Variants in COLEC11 observed in about 807,000 individuals in gnomAD.
COLEC11 encodes the protein collectin-11.
Under a neutral mutation model 27.3 loss-of-function variants are expected in COLEC11, and 20 were observed. The observed-to-expected ratio is 0.73, with a 90% CI of 0.51 to 1.06. COLEC11 has a LOEUF of 1.06. Ranked by LOEUF, COLEC11 falls within the 50% of genes least tolerant of loss-of-function variation. COLEC11 has a pLI of 0.00. For missense variants in COLEC11, 310 were observed against 383.0 expected, an observed-to-expected ratio of 0.81 and a Z score of 1.59; for synonymous variants, 163 against 154.7, an observed-to-expected ratio of 1.05 and a Z score of -0.40.
intron 2 of COLEC11, among the ~76,000 whole-genome samples, chr2:3,609,810 G>A (rs1003430020): frequency 2.0e-5 from 3 of 152,100 alleles, no homozygotes; most frequent in African/African-American, 7.2e-5. Flanking sequence ...GATTACAGGT[G>A]TGAGCCACCA....
intron 1 of COLEC11, among the ~76,000 whole-genome samples, chr2:3,595,577 A>G (rs1350833771): frequency 3.9e-5 from 6 of 152,194 alleles, no homozygotes; most frequent in African/African-American, 1.4e-4. Context: ...GGCCAGGCGG[A>G]CAGCAGCCAC....
intron 3 of COLEC11, among the ~76,000 whole-genome samples, chr2:3,617,220 A>G (rs1389773297): frequency 1.3e-5 from 2 of 152,138 alleles, no homozygotes; most frequent in African/African-American, 2.4e-5. Flanking sequence ...TTTGACAAAA[A>G]GAAAAAAATG....
At chr2:3,604,085 A>G in intron 1 of COLEC11, 1 of 599,576 alleles carries the variant, frequency 1.7e-6, no homozygotes, top group South Asian at 2.0e-5. Flanking sequence ...CTCACTGACC[A>G]GGGCTGGCAT....
At chr2:3,609,350 T>TG (rs1663001375) in intron 2 of COLEC11, among the ~76,000 whole-genome samples, 1 of 23,288 alleles carries the variant, frequency 4.3e-5, no homozygotes, top group African/African-American at 1.1e-4. Flanking sequence ...TATTTTTCTT[T>TG]GATTTTTTTT....
chr2:3,625,081 G>A (rs1158022311), intron 3 of COLEC11, among the ~76,000 whole-genome samples: 2 of 152,194 alleles, frequency 1.3e-5, no homozygotes, highest in African/African-American at 4.8e-5. Flanking sequence ...ACCTCTTAAA[G>A]AATCTTAATC....
intron 3 of COLEC11, among the ~76,000 whole-genome samples, chr2:3,635,862 T>C (rs1665370800): frequency 6.6e-6 from 1 of 152,214 alleles, no homozygotes; most frequent in Admixed American, 6.5e-5. Flanking sequence ...GGCTCTGCCA[T>C]GCCGGGCCAT....
intron 3 of COLEC11, chr2:3,626,037 T>G (rs369559456): frequency 1.2e-5 from 20 of 1,614,188 alleles, no homozygotes; most frequent in Non-Finnish European, 1.6e-5. Context: ...TCGTGACAGC[T>G]TCTGACATCT....
intron 2 of COLEC11, among the ~76,000 whole-genome samples, chr2:3,605,245 T>G (rs1178515804): frequency 6.6e-6 from 1 of 150,638 alleles, no homozygotes; most frequent in Admixed American, 6.7e-5. Context: ...GGGCCGGGGC[T>G]GCACCGGCCG....
chr2:3,616,545 T>C (rs1017036999), intron 3 of COLEC11, among the ~76,000 whole-genome samples: 12 of 152,334 alleles, frequency 7.9e-5, no homozygotes, highest in African/African-American at 2.9e-4. Context: ...TCACTCCCGG[T>C]TAGGAGCTGG....
chr2:3,611,612 C>T (rs968287218), intron 2 of COLEC11, among the ~76,000 whole-genome samples: 13 of 152,328 alleles, frequency 8.5e-5, no homozygotes, highest in African/African-American at 3.1e-4. Context: ...TACTTGGAGC[C>T]TCAGAGCAGC....
rs1398159552 is a variant in COLEC11, at chr2:3,604,481, C to T, written c.130+11C>T. On this transcript the variant is annotated intron_variant, in intron 2 of 6. Transcript: ENST00000349077. ...TCCCTGGCCTCAAAGGTAACCGCTC[C>T]CTGGACTCTGGGCTGCTGGGCAGTG... 1 of 1,613,852 alleles carries T rather than the reference C, an allele frequency of 6.2e-7. No individual in the cohort carries two copies. The highest frequency in any genetic ancestry group is 8.5e-7 in the Non-Finnish European group (1 of 1,180,012).
intron 1 of COLEC11, among the ~76,000 whole-genome samples, chr2:3,601,614 C>T (rs73138816): frequency 0.22 from 33,664 of 152,042 alleles, 3,910 homozygotes; most frequent in Middle Eastern, 0.36. Flanking sequence ...ACCTTTTTTC[C>T]CCCGAGCCAT....
At chr2:3,606,294 C>T (rs1662693649) in intron 2 of COLEC11, 1 of 1,483,676 alleles carries the variant, frequency 6.7e-7, no homozygotes, top group African/African-American at 1.4e-5. Context: ...AGGGTCCTTT[C>T]TGGGCGCCGC....
chr2:3,606,033 T>G (rs955257428), intron 2 of COLEC11: 1 of 1,538,050 alleles, frequency 6.5e-7, no homozygotes, highest in African/African-American at 1.4e-5. Flanking sequence ...CTTAAACTGT[T>G]GGATGCCTAC....
At chr2:3,621,755 G>T (rs1242607326) in intron 3 of COLEC11, among the ~76,000 whole-genome samples, 1 of 152,098 alleles carries the variant, frequency 6.6e-6, no homozygotes, top group Non-Finnish European at 1.5e-5. Context: ...ACATTTTATA[G>T]TTATAACAGT....
intron 2 of COLEC11, among the ~76,000 whole-genome samples, chr2:3,610,772 C>T (rs1356016651): frequency 6.6e-6 from 1 of 152,198 alleles, no homozygotes; most frequent in African/African-American, 2.4e-5. Flanking sequence ...TGAGAACCAC[C>T]CCTCAGAGGG....
chr2:3,640,321 T>C lies in COLEC11; in HGVS notation c.318T>C (p.Asn106=), dbSNP rs890660542. 4 of 1,582,640 alleles carry C rather than the reference T, an allele frequency of 2.5e-6. No homozygotes were observed. In the Middle Eastern group the frequency reaches 5.0e-4, roughly 199 times the overall value. Residue 106 remains asparagine, a synonymous_variant, in exon 5 of 7, where the codon AAT becomes AAC. Transcript: ENST00000349077. Reference sequence around the variant, plus strand: ...GTGACATAGGACCCCCTGGTCCTAATGGAGAACCAGGTATGGCATAAAGGG... The same window carrying C: ...GTGACATAGGACCCCCTGGTCCTAACGGAGAACCAGGTATGGCATAAAGGG... ...DSGDIGPPGP[N]GEPGLPCECS...
intron 1 of COLEC11, among the ~76,000 whole-genome samples, chr2:3,603,188 C>T (rs1220318001): frequency 1.3e-5 from 2 of 152,240 alleles, no homozygotes; most frequent in Non-Finnish European, 2.9e-5. Flanking sequence ...TCCAGGGCTG[C>T]TGTCCGCACT....
chr2:3,643,819 C>T lies in COLEC11; in HGVS notation c.517C>T (p.Arg173Cys), dbSNP rs780443106. The T allele has an allele frequency of 3.7e-6, 6 of 1,613,502 alleles. No individual in the cohort carries two copies. Among genetic ancestry groups the T allele is most frequent in the African/African-American group, 1.3e-5 (1 of 75,068 alleles). Residue 173 changes from arginine to cysteine, a missense_variant, in exon 7 of 7, where the codon CGC (arginine) becomes TGC (cysteine). Transcript: ENST00000349077. Reference protein sequence around the residue: ...YADAQLSCQGRGGTLSMPKDE... With the variant: ...YADAQLSCQGCGGTLSMPKDE... ...GGACGCCCAGCTGTCCTGCCAGGGC[C>T]GCGGGGGCACGCTGAGCATGCCCAA...
Sources: allele counts gnomAD v4.1 joint callset (sites outside exome capture counted in the v4.1 genomes callset), GRCh38; gene constraint gnomAD v4.1.1; transcripts MANE v1.5; gene names NCBI Gene and HGNC (gene_info 2026-07-23, HGNC 2026-07-21).